Variants in ARID2 observed in about 807,000 individuals in gnomAD.
ARID2 encodes the protein AT-rich interactive domain-containing protein 2.
Under a neutral mutation model 184.6 loss-of-function variants are expected in ARID2, and 32 were observed. That is an observed-to-expected ratio of 0.17 (90% confidence interval 0.13 to 0.23). ARID2 has a LOEUF of 0.23. Ranked by LOEUF, ARID2 falls within the 10% of genes least tolerant of loss-of-function variation. The pLI is 1.00. For synonymous variants in ARID2, 836 were observed against 772.6 expected, an observed-to-expected ratio of 1.08 and a Z score of -1.36; for missense variants, 1,696 against 2,197.6, an observed-to-expected ratio of 0.77 and a Z score of 4.56.
At position 45,852,191 on chromosome 12, in the gene ARID2, G is replaced by A. The variant is rs376642988; in HGVS notation, c.4068G>A (p.Pro1356=). ...MQDIKSDLRK[P]LVNGICDFDK... is the part of the protein sequence containing the mutation. ...ATATCAAAAGTGATTTGAGAAAACC[G>A]CTAGTTAATGGAATCTGTGATTTTG... The change falls in exon 15 of 21, where the codon CCG becomes CCA. Residue 1356 remains proline (P), a synonymous_variant. Coordinates refer to ENST00000334344, the MANE Select transcript of ARID2 (RefSeq NM_152641.4). The A allele has an allele frequency of 3.2e-5, 51 of 1,613,944 alleles. No individual in the cohort carries two copies. The highest frequency in any genetic ancestry group is 8.3e-5 in the Admixed American group (5 of 59,984).
At chr12:45,842,247 A>T (rs552895083) in intron 11 of ARID2, 2 of 151,678 alleles carry the variant, frequency 1.3e-5, no homozygotes, top group South Asian at 4.2e-4. Context: ...AAAAAAAAAA[A>T]AATACGTATA....
chr12:45,787,185 T>G (rs750875575), intron 3 of ARID2, among the ~76,000 whole-genome samples: 4 of 151,962 alleles, frequency 2.6e-5, no homozygotes, highest in Non-Finnish European at 4.4e-5. Context: ...TCAGTTCATT[T>G]TAGCCATTCC....
chr12:45,771,939 G>A, intron 3 of ARID2, among the ~76,000 whole-genome samples: 1 of 152,128 alleles, frequency 6.6e-6, no homozygotes, highest in East Asian at 1.9e-4. Flanking sequence ...ACTATAACAA[G>A]TATTGTTCAG....
At chr12:45,794,141 C>T (rs867674596) in intron 3 of ARID2, among the ~76,000 whole-genome samples, 1 of 152,140 alleles carries the variant, frequency 6.6e-6, no homozygotes, top group Middle Eastern at 3.2e-3. Context: ...TCAATCAGAA[C>T]ACGTTTCTGT....
intron 3 of ARID2, among the ~76,000 whole-genome samples, chr12:45,757,671 T>C (rs542575200): frequency 9.8e-5 from 15 of 152,316 alleles, no homozygotes; most frequent in African/African-American, 3.6e-4. Flanking sequence ...TACTAGGGCA[T>C]AGTAGGGTGC....
intron 15 of ARID2, among the ~76,000 whole-genome samples, chr12:45,857,644 G>A (rs897713566): frequency 1.3e-5 from 2 of 152,122 alleles, no homozygotes; most frequent in African/African-American, 4.8e-5. Flanking sequence ...TTTAAGAGTT[G>A]AAGTGAATTG....
intron 16 of ARID2, among the ~76,000 whole-genome samples, chr12:45,864,988 A>C (rs760441184): frequency 5.3e-5 from 8 of 152,180 alleles, no homozygotes; most frequent in Non-Finnish European, 8.8e-5. Flanking sequence ...ACTGTGAGCT[A>C]ACAGGAATTT....
intron 6 of ARID2, among the ~76,000 whole-genome samples, chr12:45,831,077 A>T (rs772171498): frequency 6.6e-6 from 1 of 151,988 alleles, no homozygotes; most frequent in African/African-American, 2.4e-5. Flanking sequence ...AGAAAACACA[A>T]ATATAATTGA....
intron 15 of ARID2, among the ~76,000 whole-genome samples, chr12:45,855,171 G>T (rs1943624390): frequency 6.6e-6 from 1 of 152,140 alleles, no homozygotes; most frequent in African/African-American, 2.4e-5. Context: ...GAGCTGTGGT[G>T]TTATGAGATG....
In ARID2 at chr12:45,839,363, G is replaced by C. The variant is rs1945159985; in HGVS notation, c.1365G>C (p.Gln455His). 6.2e-7 allele frequency: 1 copy of C among 1,613,044 alleles called. No individual in the cohort carries two copies. Among genetic ancestry groups the C allele is most frequent in the Non-Finnish European group, 8.5e-7 (1 of 1,179,768 alleles). Residue 455 changes from glutamine to histidine, a missense_variant, in exon 11 of 21, where the codon CAG becomes CAC. Transcript: ENST00000334344. ...TGTGTCTGGTTTCTATGGATATTCA[G>C]ATGTTTGGCCCTGATGCACTAGCTG... ...MLVCLVSMDI[Q>H]MFGPDALAAV...
chr12:45,852,843 G>A lies in ARID2; in HGVS notation c.4720G>A (p.Val1574Ile), dbSNP rs771681424. 6.2e-7 allele frequency: 1 copy of A among 1,612,126 alleles called. No homozygotes were observed. Among genetic ancestry groups the A allele is most frequent in the Non-Finnish European group, 8.5e-7 (1 of 1,178,786 alleles). The change falls in exon 15 of 21, where the codon GTT (valine) becomes ATT (isoleucine). Residue 1574 changes from valine to isoleucine, a missense_variant. By Grantham distance (29) the Val-to-Ile change is conservative. Transcript: ENST00000334344. The part of the protein sequence containing the change: ...TVAKVAIESA[V>I]QQKQQHPPTY... ...AGCTAAAGTAGCAATAGAAAGTGCTGTTCAGCAAAAGCAACAGCATCCACC... is the reference window on the plus strand; with the variant it reads ...AGCTAAAGTAGCAATAGAAAGTGCTATTCAGCAAAAGCAACAGCATCCACC...
chr12:45,731,252 A>G lies in ARID2; in HGVS notation c.222A>G (p.Glu74=), dbSNP rs779972769. ...SEKNQWGEIV[E]EFNFPRSCSN... ...AGAATCAGTGGGGAGAAATTGTTGAAGAGTTCAACTTTCCCAGAAGTTGTT... is the reference window on the plus strand; with the variant it reads ...AGAATCAGTGGGGAGAAATTGTTGAGGAGTTCAACTTTCCCAGAAGTTGTT... Residue 74 remains glutamate (E), a synonymous_variant, in exon 3 of 21, where the codon GAA becomes GAG. Transcript: ENST00000334344. 2 of 1,614,058 alleles carry G rather than the reference A, an allele frequency of 1.2e-6. No homozygotes were observed. Among genetic ancestry groups the G allele is most frequent in the Non-Finnish European group, 1.7e-6 (2 of 1,179,938 alleles).
chr12:45,860,006 A>G (rs1421784416), intron 15 of ARID2, among the ~76,000 whole-genome samples: 2 of 152,152 alleles, frequency 1.3e-5, no homozygotes, highest in East Asian at 1.9e-4. Context: ...TGCTAGGATT[A>G]CAGGCATGAA....
chr12:45,835,371 C>G lies in ARID2; in HGVS notation c.706-1218C>G, dbSNP rs1398914482. 1.3e-5 allele frequency among the ~76,000 whole-genome samples: 2 copies of G among 151,984 alleles called. 1 individual carries two copies. Among genetic ancestry groups the G allele is most frequent in the Admixed American group, 1.3e-4 (2 of 15,244 alleles). ...ATTGTCTTTTAAAAAAATGTGCCTACTTCTTTTTTATTGCTACCAAACATT... is the reference window on the plus strand; with the variant it reads ...ATTGTCTTTTAAAAAAATGTGCCTAGTTCTTTTTTATTGCTACCAAACATT... On this transcript the variant is annotated intron_variant, in intron 6 of 20. Transcript: ENST00000334344.
chr12:45,852,277 T>A lies in ARID2; in HGVS notation c.4154T>A (p.Val1385Glu), dbSNP rs2138177445. The change falls in exon 15 of 21, where the codon GTA (valine) becomes GAA (glutamate). Residue 1385 changes from valine (V) to glutamate (E), a missense_variant. This residue lies in a region of ARID2 where 428 missense variants were observed against 409.1 expected (regional missense o/e 1.05). Coordinates refer to ENST00000334344, the MANE Select transcript of ARID2 (RefSeq NM_152641.4). The stretch of plus-strand genomic sequence containing the variant: ...CCAAATCATAAAACTTCCAATCATG[T>A]AGGAAATGGTGAGATATCTCCAATG... ...NIPNHKTSNH[V>E]GNGEISPMEP... The A allele has an allele frequency of 6.2e-7, 1 of 1,614,026 alleles. No homozygotes were observed. The highest frequency in any genetic ancestry group is 8.5e-7 in the Non-Finnish European group (1 of 1,179,988).
chr12:45,837,983 C>T (rs889932280), intron 10 of ARID2, among the ~76,000 whole-genome samples: 1 of 152,260 alleles, frequency 6.6e-6, no homozygotes, highest in South Asian at 2.1e-4. Context: ...AGAAGCGTAG[C>T]TCAATGAGCA....
At position 45,891,041 on chromosome 12, in the gene ARID2, T is replaced by C. The variant is rs186182640; in HGVS notation, c.4923-739T>C. ...TTAGCCGCGCATGGTGGCATGTGCT[T>C]GTAGTCCCAGGTACTCGGGAGGCTG... On this transcript the variant is annotated intron_variant, in intron 16 of 20. Coordinates refer to ENST00000334344, the MANE Select transcript of ARID2 (RefSeq NM_152641.4). Among the ~76,000 whole-genome samples the C allele has an allele frequency of 3.8e-4, 58 of 152,158 alleles. No individual in the cohort carries two copies. In the East Asian group the frequency reaches 0.01, roughly 26 times the overall value.
At chr12:45,863,854 TTTG>T (rs1322951527) in intron 16 of ARID2, among the ~76,000 whole-genome samples, 15 of 4,768 alleles carry the variant, frequency 3.1e-3, no homozygotes, top group African/African-American at 9.8e-3. Flanking sequence ...CCCTTTTTTT[TTTG>T]TTTTTTTTTT....
chr12:45,899,631 G>A (rs1592148690), intron 20 of ARID2, among the ~76,000 whole-genome samples: 1 of 133,880 alleles, frequency 7.5e-6, no homozygotes, highest in East Asian at 2.2e-4. Flanking sequence ...GTATATATTT[G>A]GTTATATATA....
Sources: allele counts gnomAD v4.1 joint callset (sites outside exome capture counted in the v4.1 genomes callset), GRCh38; gene constraint gnomAD v4.1.1; regional missense constraint gnomAD v4.1.1; transcripts MANE v1.5; gene names NCBI Gene and HGNC (gene_info 2026-07-23, HGNC 2026-07-21).